The following CREB5 variants were observed in gnomAD, a reference collection of about 807,000 sequenced individuals.
CREB5 encodes the protein cyclic AMP-responsive element-binding protein 5.
A neutral mutation model predicts 57.1 loss-of-function variants in CREB5; 19 were observed. The observed-to-expected ratio is 0.33, with a 90% CI of 0.23 to 0.49. The LOEUF (loss-of-function observed/expected upper bound fraction) is 0.49, where lower values mean the gene tolerates loss of function less well. Ranked by LOEUF, CREB5 falls within the 20% of genes least tolerant of loss-of-function variation. CREB5 has a pLI of 0.99. For synonymous variants in CREB5, 238 were observed against 238.3 expected, an observed-to-expected ratio of 1.00 and a Z score of 0.01; for missense variants, 579 against 671.6, an observed-to-expected ratio of 0.86 and a Z score of 1.52.
At chr7:28,323,277 G>T (rs1311073827) in intron 1 of CREB5, among the ~76,000 whole-genome samples, 1 of 152,094 alleles carries the variant, frequency 6.6e-6, no homozygotes, top group Non-Finnish European at 1.5e-5. Context: ...TTAAATCCTT[G>T]CCCTCAAATC....
chr7:28,647,896 C>T (rs1798947168), intron 5 of CREB5, among the ~76,000 whole-genome samples: 1 of 151,946 alleles, frequency 6.6e-6, no homozygotes, highest in Non-Finnish European at 1.5e-5. Context: ...ACCAGGGCAA[C>T]ATAGTGAGAC....
chr7:28,422,740 G>C (rs1166818466), intron 1 of CREB5, among the ~76,000 whole-genome samples: 4 of 152,164 alleles, frequency 2.6e-5, no homozygotes, highest in African/African-American at 9.7e-5. Context: ...AGTAACCAGA[G>C]CTAATGAACT....
intron 1 of CREB5, among the ~76,000 whole-genome samples, chr7:28,457,626 G>A (rs960624661): frequency 1.3e-5 from 2 of 152,184 alleles, no homozygotes; most frequent in African/African-American, 4.8e-5. Context: ...GGGTATATTA[G>A]AGATACATGC....
chr7:28,810,446 C>T (rs1809044910), intron 9 of CREB5, among the ~76,000 whole-genome samples: 1 of 152,070 alleles, frequency 6.6e-6, no homozygotes, highest in Non-Finnish European at 1.5e-5. Context: ...CTCTGGGAGG[C>T]TGATCACTTT....
intron 5 of CREB5, among the ~76,000 whole-genome samples, chr7:28,577,765 C>T (rs748334715): frequency 2.0e-5 from 3 of 152,256 alleles, no homozygotes; most frequent in African/African-American, 7.2e-5. Flanking sequence ...TTCTTTTCAG[C>T]ACTAAAATGT....
At chr7:28,398,062 C>T (rs979079427) in intron 1 of CREB5, among the ~76,000 whole-genome samples, 11 of 152,046 alleles carry the variant, frequency 7.2e-5, no homozygotes, top group Admixed American at 6.6e-5. Context: ...TTTTCATATT[C>T]CCAAAGAGAA....
intron 1 of CREB5, among the ~76,000 whole-genome samples, chr7:28,477,575 G>C (rs1308179505): frequency 6.6e-6 from 1 of 152,212 alleles, no homozygotes; most frequent in East Asian, 1.9e-4. Flanking sequence ...CCCTGGGGCA[G>C]AAAAAGAGAA....
intron 7 of CREB5, among the ~76,000 whole-genome samples, chr7:28,729,970 C>T (rs1052726462): frequency 1.1e-4 from 17 of 152,178 alleles, no homozygotes; most frequent in African/African-American, 3.4e-4. Context: ...ACATAAGATT[C>T]CATGACAACA....
At chr7:28,775,461 C>G (rs989231291) in intron 7 of CREB5, among the ~76,000 whole-genome samples, 7 of 150,616 alleles carry the variant, frequency 4.6e-5, no homozygotes, top group African/African-American at 1.7e-4. Context: ...CCTCTGGGAA[C>G]TGGAAGACCA....
At chr7:28,604,083 TA>T (rs1797026627) in intron 5 of CREB5, among the ~76,000 whole-genome samples, 3 of 152,116 alleles carry the variant, frequency 2.0e-5, no homozygotes, top group Admixed American at 1.3e-4. Context: ...AAAATCCAGG[TA>T]AGACAGGATT....
intron 4 of CREB5, among the ~76,000 whole-genome samples, chr7:28,511,218 G>T (rs1415482454): frequency 6.6e-6 from 1 of 151,806 alleles, no homozygotes; most frequent in Non-Finnish European, 1.5e-5. Context: ...GGTCAGGCAG[G>T]CATTGATGGT....
chr7:28,326,200 T>C (rs796346416), intron 1 of CREB5, among the ~76,000 whole-genome samples: 1 of 127,072 alleles, frequency 7.9e-6, no homozygotes, highest in African/African-American at 2.9e-5. Context: ...TATCTATCTA[T>C]CTATCTATCT....
chr7:28,332,815 A>G (rs2127987055), intron 1 of CREB5, among the ~76,000 whole-genome samples: 1 of 152,298 alleles, frequency 6.6e-6, no homozygotes, highest in African/African-American at 2.4e-5. Flanking sequence ...TCATTTTACT[A>G]GCTACCTGGT....
At chr7:28,491,268 G>T in intron 2 of CREB5, 1 of 985,274 alleles carries the variant, frequency 1.0e-6, no homozygotes, top group Non-Finnish European at 1.2e-6. Context: ...GAAGGGGTGA[G>T]CATGCTGGTT....
intron 1 of CREB5, among the ~76,000 whole-genome samples, chr7:28,377,271 T>C (rs931381186): frequency 2.6e-5 from 4 of 152,146 alleles, no homozygotes; most frequent in African/African-American, 9.7e-5. Flanking sequence ...CAAATCCTAA[T>C]TGAAATATTT....
chr7:28,306,778 G>T (rs1785198512), intron 1 of CREB5, among the ~76,000 whole-genome samples: 1 of 151,650 alleles, frequency 6.6e-6, no homozygotes, highest in South Asian at 2.1e-4. Flanking sequence ...AGCCGGGATG[G>T]TCTCGATCTC....
At chr7:28,520,221 G>C (rs1261399453) in intron 4 of CREB5, among the ~76,000 whole-genome samples, 1 of 152,188 alleles carries the variant, frequency 6.6e-6, no homozygotes, top group Non-Finnish European at 1.5e-5. Flanking sequence ...ACTCAGGTCA[G>C]TTTTTAAACA....
At chr7:28,645,143 T>C (rs1798841383) in intron 5 of CREB5, among the ~76,000 whole-genome samples, 1 of 152,134 alleles carries the variant, frequency 6.6e-6, no homozygotes. Flanking sequence ...TAATAAAGAA[T>C]AAGCCTAGAA....
At chr7:28,684,101 C>T (rs1800730724) in intron 5 of CREB5, among the ~76,000 whole-genome samples, 1 of 152,196 alleles carries the variant, frequency 6.6e-6, no homozygotes, top group Non-Finnish European at 1.5e-5. Context: ...TATGCAAAAT[C>T]TTGCCAACCT....
Sources: gnomAD v4.1 joint callset for allele counts (sites outside exome capture counted in the v4.1 genomes callset) on GRCh38, gnomAD v4.1.1 for gene constraint, MANE v1.5 for transcripts, NCBI Gene and HGNC (gene_info 2026-07-23, HGNC 2026-07-21) for gene names.